OXR1: variants seen among roughly 807,000 people sequenced by gnomAD.
The protein encoded by OXR1 is oxidation resistance protein 1.
OXR1 carries 41 observed loss-of-function variants against 104.6 expected under a neutral mutation model. The observed-to-expected ratio is 0.39, with a 90% confidence interval of 0.31 to 0.51. The LOEUF (loss-of-function observed/expected upper bound fraction) is 0.51, where lower values mean the gene tolerates loss of function less well. Among genes scored for constraint, OXR1 ranks in the 20% least tolerant of loss-of-function variants. OXR1 has a pLI of 0.77. For synonymous variants in OXR1, 348 were observed against 348.4 expected, an observed-to-expected ratio of 1.00 and a Z score of 0.01; for missense variants, 955 against 1,031.9, an observed-to-expected ratio of 0.93 and a Z score of 1.02.
chr8:106,702,180 G>A (rs1184486883), intron 7 of OXR1, among the ~76,000 whole-genome samples: 1 of 152,102 alleles, frequency 6.6e-6, no homozygotes, highest in African/African-American at 2.4e-5. Flanking sequence ...TGTTGGCCAG[G>A]AACTCCTGGC....
chr8:106,683,160 T>C, intron 4 of OXR1, 39 bp from the exon 5 acceptor site: 1 of 1,037,158 alleles, frequency 9.6e-7, no homozygotes, highest in Non-Finnish European at 1.5e-6. Flanking sequence ...AGTTTTTCTG[T>C]TTTAAACATT....
intron 1 of OXR1, among the ~76,000 whole-genome samples, chr8:106,338,468 C>CAGG (rs1815054347): frequency 6.6e-6 from 1 of 150,512 alleles, no homozygotes; most frequent in African/African-American, 2.4e-5. Flanking sequence ...GAGGCTGAGG[C>CAGG]AGGAGAATCA....
intron 3 of OXR1, among the ~76,000 whole-genome samples, chr8:106,561,738 T>C (rs1816698063): frequency 6.6e-6 from 1 of 152,136 alleles, no homozygotes; most frequent in Non-Finnish European, 1.5e-5. Flanking sequence ...CTAGCTGGCA[T>C]TTGGTGGGTG....
rs1172559463 is a variant in OXR1, at chr8:106,400,043, C to T, written c.23+40407C>T. ...TTTGTTAATAACCCTAACTTATTTT[C>T]ATTTTTTCACAGAAATTATTTGTGT... On this transcript the variant is annotated intron_variant, in intron 2 of 16. Transcript: ENST00000517566. Among the ~76,000 whole-genome samples the T allele has an allele frequency of 3.6e-4, 55 of 152,052 alleles. 1 individual carries two copies. Among genetic ancestry groups the T allele is most frequent in the Non-Finnish European group, 7.4e-5 (5 of 67,974 alleles).
chr8:106,331,785 C>A (rs1274255393), intron 1 of OXR1, among the ~76,000 whole-genome samples: 2 of 151,774 alleles, frequency 1.3e-5, no homozygotes, highest in African/African-American at 4.8e-5. Context: ...ACTAAAAATA[C>A]AAAAAATTAA....
At chr8:106,575,116 G>C (rs990954571) in intron 3 of OXR1, among the ~76,000 whole-genome samples, 1 of 152,080 alleles carries the variant, frequency 6.6e-6, no homozygotes, top group African/African-American at 2.4e-5. Context: ...ACCTGTAGAA[G>C]TTCCAGAATT....
chr8:106,633,019 A>G (rs1822822953), intron 3 of OXR1, among the ~76,000 whole-genome samples: 1 of 152,068 alleles, frequency 6.6e-6, no homozygotes, highest in African/African-American at 2.4e-5. Flanking sequence ...GTGTATCACA[A>G]GCTCAGGAGT....
Position 106,312,252 on chromosome 8 carries a change from A to G in OXR1, c.-139+41885A>G, listed in dbSNP as rs77828479. ...TAGTACCAAATTCTACCCTGAGTAC[A>G]TTAAGATAAACAGCCAAGTTCAATC... On this transcript the variant is annotated intron_variant, in intron 1 of 16. Transcript: ENST00000517566. Among the ~76,000 whole-genome samples, 1,911 of 152,302 alleles carry G rather than the reference A, an allele frequency of 0.013. 130 individuals carry two copies. In the East Asian group the frequency reaches 0.17, roughly 14 times the overall value.
chr8:106,295,786 T>C (rs367672057), intron 1 of OXR1, among the ~76,000 whole-genome samples: 21 of 152,324 alleles, frequency 1.4e-4, no homozygotes, highest in African/African-American at 5.1e-4. Context: ...TGCTAGGCAC[T>C]GTAGGGGAAT....
intron 3 of OXR1, among the ~76,000 whole-genome samples, chr8:106,628,910 T>C (rs1238556774): frequency 6.6e-6 from 1 of 152,208 alleles, no homozygotes; most frequent in Non-Finnish European, 1.5e-5. Flanking sequence ...AATTTTAAAG[T>C]ATGTGGGCTC....
intron 3 of OXR1, among the ~76,000 whole-genome samples, chr8:106,670,169 G>A (rs1279508961): frequency 1.3e-5 from 2 of 152,162 alleles, no homozygotes; most frequent in Non-Finnish European, 2.9e-5. Context: ...GGTGGCCCTA[G>A]TGATCTCTTC....
At chr8:106,416,826 T>G (rs917716904) in intron 2 of OXR1, among the ~76,000 whole-genome samples, 1 of 152,148 alleles carries the variant, frequency 6.6e-6, no homozygotes, top group African/African-American at 2.4e-5. Context: ...CCCTTCTTAT[T>G]TCACCATTGC....
At chr8:106,320,241 T>C (rs1396122077) in intron 1 of OXR1, among the ~76,000 whole-genome samples, 3 of 152,190 alleles carry the variant, frequency 2.0e-5, no homozygotes, top group African/African-American at 7.2e-5. Context: ...TCTCCTCACC[T>C]TCTGTTGCTT....
chr8:106,330,580 C>T (rs940331432), intron 1 of OXR1, among the ~76,000 whole-genome samples: 2 of 152,108 alleles, frequency 1.3e-5, no homozygotes, highest in African/African-American at 4.8e-5. Flanking sequence ...ATTGTAGAAG[C>T]TTCTCTGGAG....
At position 106,445,734 on chromosome 8, in the gene OXR1, C is replaced by T. The variant is rs111807051; in HGVS notation, c.24-73209C>T. Among the ~76,000 whole-genome samples, 6 of 152,232 alleles carry T rather than the reference C, an allele frequency of 3.9e-5. 1 individual carries two copies. The highest frequency in any genetic ancestry group is 4.1e-4 in the South Asian group (2 of 4,828). On this transcript the variant is annotated intron_variant, in intron 2 of 16. Coordinates refer to ENST00000517566, the MANE Select transcript of OXR1 (RefSeq NM_001198533.2). ...GAAAGGACATTCATACTAATTAATTCGCAGCTTAGCACTATTCGTACTGCG... is the reference window on the plus strand; with the variant it reads ...GAAAGGACATTCATACTAATTAATTTGCAGCTTAGCACTATTCGTACTGCG...
At chr8:106,408,747 A>T (rs1818343304) in intron 2 of OXR1, among the ~76,000 whole-genome samples, 1 of 152,304 alleles carries the variant, frequency 6.6e-6, no homozygotes, top group South Asian at 2.1e-4. Flanking sequence ...TGGCCGACAG[A>T]TGAAATGACT....
intron 7 of OXR1, among the ~76,000 whole-genome samples, chr8:106,702,681 A>C (rs74720161): frequency 6.6e-6 from 1 of 152,078 alleles, no homozygotes; most frequent in East Asian, 1.9e-4. Context: ...TTATTTCCTT[A>C]CTTGATTGTC....
intron 1 of OXR1, among the ~76,000 whole-genome samples, chr8:106,288,637 TAATA>T (rs1812608410): frequency 6.8e-6 from 1 of 148,068 alleles, no homozygotes; most frequent in African/African-American, 2.5e-5. Context: ...CATTATATAT[TAATA>T]TATACACACA....
At chr8:106,723,175 G>C (rs1368519713) in intron 11 of OXR1, among the ~76,000 whole-genome samples, 3 of 151,812 alleles carry the variant, frequency 2.0e-5, no homozygotes, top group Non-Finnish European at 4.4e-5. Context: ...GGCCAATATG[G>C]TGAAATCCCA....
Sources: gnomAD v4.1 joint callset for allele counts (sites outside exome capture counted in the v4.1 genomes callset) on GRCh38, gnomAD v4.1.1 for gene constraint, MANE v1.5 for transcripts, NCBI Gene and HGNC (gene_info 2026-07-23, HGNC 2026-07-21) for gene names.